The following SLC26A5 variants were observed in gnomAD, a reference collection of about 807,000 sequenced individuals.
SLC26A5 encodes prestin.
In SLC26A5, 51 loss-of-function variants were observed where a neutral mutation model predicts 81.0. The observed-to-expected ratio is 0.63, with a 90% CI of 0.50 to 0.80. The LOEUF is 0.80. Ranked by LOEUF, SLC26A5 falls within the 30% of genes least tolerant of loss-of-function variation. The pLI is 0.00. For synonymous variants in SLC26A5, 325 were observed against 332.8 expected, an observed-to-expected ratio of 0.98 and a Z score of 0.25; for missense variants, 771 against 905.8, an observed-to-expected ratio of 0.85 and a Z score of 1.91.
chr7:103,383,963 G>A (rs1243156261), intron 14 of SLC26A5, among the ~76,000 whole-genome samples: 1 of 151,622 alleles, frequency 6.6e-6, no homozygotes, highest in East Asian at 1.9e-4. Context: ...GCATGATGGC[G>A]AGACCCCATC....
downstream of SLC26A5, among the ~76,000 whole-genome samples, chr7:103,370,764 A>G (rs557575561): frequency 8.5e-5 from 13 of 152,270 alleles, no homozygotes; most frequent in South Asian, 2.3e-3. Flanking sequence ...CTGGTTCACA[A>G]ATGTTTTCAA....
Position 103,391,623 on chromosome 7 carries a change from T to C in SLC26A5, c.1232A>G (p.Gln411Arg). The stretch of plus-strand genomic sequence containing the variant: ...CTTAGAGGCCTGTTATGTACATACC[T>C]GTGTCTTCCCACCGGTTCCCTCCTG... Reference protein sequence around the residue: ...LVQEGTGGKTQLAGCLASLMI... With the variant: ...LVQEGTGGKTRLAGCLASLMI... Residue 411 changes from glutamine to arginine, a missense_variant and splice_region_variant, in exon 11 of 20, where the codon CAG becomes CGG. Physicochemically the swap from Gln to Arg is conservative, Grantham distance 43. Coordinates refer to ENST00000306312, the MANE Select transcript of SLC26A5 (RefSeq NM_198999.3). 6.2e-7 allele frequency: 1 copy of C among 1,612,882 alleles called. No homozygotes were observed. Among genetic ancestry groups the C allele is most frequent in the Non-Finnish European group, 8.5e-7 (1 of 1,178,960 alleles).
At chr7:103,442,825 A>T (rs934707655) in intron 2 of SLC26A5, among the ~76,000 whole-genome samples, 3 of 152,220 alleles carry the variant, frequency 2.0e-5, no homozygotes, top group Non-Finnish European at 4.4e-5. Context: ...TTGTTGGCCC[A>T]CCACCTAGTT....
At position 103,413,218 on chromosome 7, in the gene SLC26A5, C is replaced by T. The variant is rs1824648189; in HGVS notation, c.293-106G>A. The T allele has an allele frequency of 2.6e-5, 21 of 793,622 alleles. No homozygotes were observed. The South Asian group carries it at 3.1e-4, about 12-fold the overall frequency. The allele number at this position is 793,622 out of a possible 1,614,324, so 49.2% of individuals were successfully genotyped here. A position where few individuals can be genotyped will look rare whatever the true frequency, so the allele number is the denominator to read the frequency against. The stretch of plus-strand genomic sequence containing the variant: ...TTTCTGATGAACGAGTGAAGCCCAT[C>T]TTAATTTAAGCTGCAACCTGCCCTA... On this transcript the variant is annotated intron_variant, in intron 4 of 19. Transcript: ENST00000306312.
chr7:103,377,914 G>A (rs1286804406), intron 17 of SLC26A5, 115 bp from the exon 18 acceptor site: 2 of 933,468 alleles, frequency 2.1e-6, no homozygotes, highest in East Asian at 5.0e-5. Context: ...GACTCTACCA[G>A]ACCCCTTGTA....
chr7:103,359,284 C>A (rs898662673), intron 19 of SLC26A5, among the ~76,000 whole-genome samples: 1 of 151,374 alleles, frequency 6.6e-6, no homozygotes, highest in African/African-American at 2.4e-5. Context: ...AGGTGTGAGC[C>A]ACCGTGCCCA....
At chr7:103,423,474 A>G (rs1353261716) in intron 2 of SLC26A5, among the ~76,000 whole-genome samples, 1 of 152,206 alleles carries the variant, frequency 6.6e-6, no homozygotes, top group African/African-American at 2.4e-5. Context: ...TCAAAATTCA[A>G]GTTGAAACTT....
Position 103,374,390 on chromosome 7 carries a change from G to T in SLC26A5, c.*9C>A. Reference sequence around the variant, plus strand: ...GGCTTATAACCCCATCCTAGGGTGAGGTCCTCATCTATGCCTCAGGAGTGG... The same window carrying T: ...GGCTTATAACCCCATCCTAGGGTGATGTCCTCATCTATGCCTCAGGAGTGG... On this transcript the variant is annotated 3_prime_UTR_variant, in exon 20 of 20. Transcript: ENST00000306312. 6.2e-7 allele frequency: 1 copy of T among 1,612,170 alleles called. No homozygotes were observed. The highest frequency in any genetic ancestry group is 8.5e-7 in the Non-Finnish European group (1 of 1,179,948).
chr7:103,356,737 T>G (rs971722439), intron 19 of SLC26A5, among the ~76,000 whole-genome samples: 3 of 152,220 alleles, frequency 2.0e-5, no homozygotes, highest in African/African-American at 4.8e-5. Flanking sequence ...TTTTAACTTC[T>G]TGGTACCTTT....
intron 12 of SLC26A5, 103 bp downstream of exon 12, chr7:103,390,326 G>A (rs1822544555): frequency 2.8e-6 from 3 of 1,067,354 alleles, no homozygotes; most frequent in East Asian, 2.4e-5. Context: ...TCCTGTGAGG[G>A]TTACAGTAAA....
At chr7:103,374,672 T>G in intron 19 of SLC26A5, 80 bp from the exon 20 acceptor site, 4 of 1,226,612 alleles carry the variant, frequency 3.3e-6, no homozygotes, top group Non-Finnish European at 4.6e-6. Context: ...CACTTCCATA[T>G]AGTGTTTTTT....
chr7:103,391,209 AACC>A (rs1488260608), intron 11 of SLC26A5, among the ~76,000 whole-genome samples: 2 of 152,224 alleles, frequency 1.3e-5, no homozygotes, highest in Non-Finnish European at 2.9e-5. Context: ...TGGTCGAACT[AACC>A]ACATTTCAAG....
At chr7:103,436,456 C>G (rs1826460825) in intron 2 of SLC26A5, among the ~76,000 whole-genome samples, 1 of 152,154 alleles carries the variant, frequency 6.6e-6, no homozygotes, top group African/African-American at 2.4e-5. Context: ...TTAAACGTAT[C>G]AGGCCCCTTC....
At chr7:103,423,761 T>C (rs1168519358) in intron 2 of SLC26A5, among the ~76,000 whole-genome samples, 1 of 152,232 alleles carries the variant, frequency 6.6e-6, no homozygotes, top group African/African-American at 2.4e-5. Flanking sequence ...CTGTGAGAAA[T>C]AAATTTCTAT....
In SLC26A5 at chr7:103,426,698, G is replaced by T. The variant is rs79441780; in HGVS notation, c.-53-5131C>A. ...TGTAATGAAAGGCTGTCCTTTCGGG[G>T]GACTTTTTATTTGCATCAACAATGA... On this transcript the variant is annotated intron_variant, in intron 2 of 19. Coordinates refer to ENST00000306312, the MANE Select transcript of SLC26A5 (RefSeq NM_198999.3). 9.3e-3 allele frequency among the ~76,000 whole-genome samples: 1,413 copies of T among 152,176 alleles called. 17 individuals are homozygous for T. The highest frequency in any genetic ancestry group is 0.032 in the African/African-American group (1,340 of 41,500).
In SLC26A5 at chr7:103,439,509, T is replaced by C. The variant is rs1323034272; in HGVS notation, c.-54+3574A>G. Among the ~76,000 whole-genome samples the C allele has an allele frequency of 2.6e-5, 4 of 152,028 alleles. 1 individual carries two copies. Among genetic ancestry groups the C allele is most frequent in the Non-Finnish European group, 5.9e-5 (4 of 68,028 alleles). On this transcript the variant is annotated intron_variant, in intron 2 of 19. Transcript: ENST00000306312. ...GTCACTCTGCTCCAGTCACATGGAC[T>C]TCCTTGCTGTCTGTTGTTGTTGTTT... is the stretch of plus-strand genomic sequence containing the variant.
chr7:103,411,772 T>C (rs1331134655), intron 5 of SLC26A5, among the ~76,000 whole-genome samples, 186 bp from the exon 6 acceptor site: 1 of 152,232 alleles, frequency 6.6e-6, no homozygotes, highest in African/African-American at 2.4e-5. Flanking sequence ...GCATGCAGAC[T>C]GTATTTTCCA....
intron 2 of SLC26A5, among the ~76,000 whole-genome samples, chr7:103,435,501 C>T (rs976463920): frequency 2.6e-5 from 4 of 152,134 alleles, no homozygotes; most frequent in South Asian, 2.1e-4. Context: ...CTTTGTGTAC[C>T]GGAGTGGGCT....
intron 2 of SLC26A5, among the ~76,000 whole-genome samples, chr7:103,440,395 CACA>C (rs1183281296): frequency 6.6e-6 from 1 of 152,122 alleles, no homozygotes; most frequent in Non-Finnish European, 1.5e-5. Flanking sequence ...TAAGGACTAG[CACA>C]ACACTATTCT....
Sources: allele counts gnomAD v4.1 joint callset (sites outside exome capture counted in the v4.1 genomes callset), GRCh38; gene constraint gnomAD v4.1.1; transcripts MANE v1.5; gene names NCBI Gene and HGNC (gene_info 2026-07-23, HGNC 2026-07-21).